KLHL13: variants seen among roughly 807,000 people sequenced by gnomAD.
KLHL13 encodes the protein kelch-like protein 13.
In KLHL13, 10 loss-of-function variants were observed where a neutral mutation model predicts 37.1. That is an observed-to-expected ratio of 0.27 (90% CI 0.17 to 0.46). The LOEUF is 0.46. KLHL13 is among the 20% of genes least tolerant of loss of function. The probability of loss-of-function intolerance (pLI) is 1.00; values close to 1 mark genes in which losing one functional copy is unlikely to be tolerated. For synonymous variants in KLHL13, 163 were observed against 181.2 expected (o/e 0.90, Z 0.81); for missense variants, 360 against 509.3 (o/e 0.71, Z 2.82).
At chrX:118,056,022 TTTTAC>T (rs1393190475) in intron 1 of KLHL13, among the ~76,000 whole-genome samples, 5 of 111,224 alleles carry the variant, frequency 4.5e-5, no homozygotes, top group African/African-American at 6.5e-5. Context: ...GTAAAACTAT[TTTTAC>T]TTTATTTTTT....
intron 1 of KLHL13, among the ~76,000 whole-genome samples, chrX:118,029,061 G>A (rs2054306731): frequency 9.0e-6 from 1 of 111,409 alleles, no homozygotes; most frequent in Middle Eastern, 4.7e-3. Flanking sequence ...TACTCTCCAC[G>A]TTTTCAGGCA....
rs1207845367 is a variant in KLHL13, at chrX:118,028,487, T to C, written c.-55-82912A>G. ...CAGATGATCCATCACCTCTAAAAGT[T>C]GGATAATGACCTGTTCAGGAGGAAA... On this transcript the variant is annotated intron_variant, in intron 1 of 6. Transcript: ENST00000371882. 5.6e-6 allele frequency: 6 copies of C among 1,074,427 alleles called. No individual in the cohort carries two copies. The East Asian group carries it at 1.7e-4, about 30-fold the overall frequency. The allele number at this position is 1,074,427 out of a possible 1,213,427, so 88.5% of individuals were successfully genotyped here. A position where few individuals can be genotyped will look rare whatever the true frequency, so the allele number is the denominator to read the frequency against.
intron 2 of KLHL13, among the ~76,000 whole-genome samples, chrX:117,926,426 C>T (rs747799321): frequency 1.9e-4 from 21 of 110,888 alleles, no homozygotes; most frequent in Non-Finnish European, 3.4e-4. Flanking sequence ...AGGATTCCAG[C>T]GAGTAATGAT....
chrX:118,075,508 T>A (rs2054920262), intron 1 of KLHL13, among the ~76,000 whole-genome samples: 1 of 111,198 alleles, frequency 9.0e-6, no homozygotes, highest in Non-Finnish European at 1.9e-5. Flanking sequence ...AGAGGAAGGA[T>A]TAATTGAAAG....
At chrX:118,051,790 C>T (rs2054616743) in intron 1 of KLHL13, among the ~76,000 whole-genome samples, 2 of 110,806 alleles carry the variant, frequency 1.8e-5, no homozygotes, top group African/African-American at 3.3e-5. Context: ...AGAAGGTGGA[C>T]ATTTTGTACG....
intron 1 of KLHL13, among the ~76,000 whole-genome samples, chrX:117,995,931 C>T (rs2053849472): frequency 9.0e-6 from 1 of 111,462 alleles, no homozygotes; most frequent in Admixed American, 9.5e-5. Context: ...GAGCTCTTTC[C>T]ACCTTTGGGT....
intron 1 of KLHL13, among the ~76,000 whole-genome samples, chrX:118,094,064 C>T (rs766199999): frequency 9.2e-6 from 1 of 108,518 alleles, no homozygotes; most frequent in Admixed American, 9.9e-5. Flanking sequence ...AGGCTTCAGA[C>T]GATCAAACTA....
chrX:118,031,472 T>TATATATATAGATATATATATTTAG (rs2054340403), intron 1 of KLHL13, among the ~76,000 whole-genome samples: 6 of 89,780 alleles, frequency 6.7e-5, no homozygotes, highest in African/African-American at 1.0e-4. Flanking sequence ...TATATTTAGA[T>TATATATATAGATATATATATTTAG]ATATATATAG....
At chrX:118,041,510 C>T (rs776812082) in intron 1 of KLHL13, among the ~76,000 whole-genome samples, 3 of 107,871 alleles carry the variant, frequency 2.8e-5, no homozygotes, top group African/African-American at 1.0e-4. Flanking sequence ...GCCTGGATGA[C>T]AGAGTGAGAC....
At chrX:118,053,875 A>C (rs1190138797) in intron 1 of KLHL13, among the ~76,000 whole-genome samples, 1 of 99,127 alleles carries the variant, frequency 1.0e-5, no homozygotes, top group African/African-American at 3.7e-5. Flanking sequence ...AGAGAGAGAG[A>C]GAGAGAGAGA....
intron 1 of KLHL13, among the ~76,000 whole-genome samples, chrX:117,986,130 G>A (rs1205336601): frequency 9.0e-6 from 1 of 111,441 alleles, no homozygotes; most frequent in Non-Finnish European, 1.9e-5. Flanking sequence ...AGGGAAGCAG[G>A]CATGTATTCT....
intron 5 of KLHL13, among the ~76,000 whole-genome samples, 198 bp downstream of exon 6, chrX:117,909,103 G>A (rs10465419): frequency 0.082 from 9,179 of 111,743 alleles, 884 homozygotes; most frequent in African/African-American, 0.28. Flanking sequence ...TATTTGTAAC[G>A]TACAATTTGT....
intron 2 of KLHL13, among the ~76,000 whole-genome samples, chrX:117,930,960 T>C (rs1291624496): frequency 8.9e-6 from 1 of 112,251 alleles, no homozygotes; most frequent in African/African-American, 3.2e-5. Context: ...AAGTTGTTTA[T>C]TTTATGATCA....
At chrX:117,995,145 CATTT>C (rs67590715) in intron 1 of KLHL13, among the ~76,000 whole-genome samples, 2,686 of 111,985 alleles carry the variant, frequency 0.024, 70 homozygotes, top group African/African-American at 0.08. Context: ...ATTTTTCATT[CATTT>C]GTGAACTGCC....
intron 1 of KLHL13, among the ~76,000 whole-genome samples, chrX:118,059,622 A>T (rs999222678): frequency 8.0e-5 from 9 of 111,803 alleles, no homozygotes; most frequent in African/African-American, 2.9e-4. Flanking sequence ...AGTACAAATA[A>T]TATAGCAGAC....
At chrX:117,938,945 T>C (rs1932900077) in intron 2 of KLHL13, among the ~76,000 whole-genome samples, 1 of 110,544 alleles carries the variant, frequency 9.0e-6, no homozygotes, top group Non-Finnish European at 1.9e-5. Flanking sequence ...TAGAGGGATT[T>C]ATTTTTTTTT....
At chrX:117,950,672 T>C (rs1001898266) in intron 1 of KLHL13, among the ~76,000 whole-genome samples, 6 of 111,610 alleles carry the variant, frequency 5.4e-5, no homozygotes, top group Non-Finnish European at 1.1e-4. Flanking sequence ...CAAAACAGGT[T>C]GGTTAATCAA....
Position 117,897,976 on chromosome X carries a change from G to A in KLHL13, c.*932C>T, listed in dbSNP as rs1929839903. ...TATGCAAGTTACCTCAACAGCAAAG[G>A]AGAAGGAGTAGAATACAGTTTTTGA... On this transcript the variant is annotated 3_prime_UTR_variant, in exon 7 of 7. Coordinates refer to ENST00000262820, the Ensembl canonical transcript of KLHL13. 3 of 111,875 alleles carry A rather than the reference G, an allele frequency of 2.7e-5. No individual in the cohort carries two copies. The South Asian group carries it at 1.1e-3, about 42-fold the overall frequency. 9.2% of individuals were successfully genotyped at this position (111,875 alleles called of 1,213,427 possible).
chrX:117,926,851 A>G (rs1293490956), intron 2 of KLHL13, among the ~76,000 whole-genome samples: 2 of 98,605 alleles, frequency 2.0e-5, no homozygotes, highest in African/African-American at 7.4e-5. Flanking sequence ...ACCTGTCAAC[A>G]GACAGAAAAA....
Sources: gnomAD v4.1 joint callset for allele counts (sites outside exome capture counted in the v4.1 genomes callset) on GRCh38, gnomAD v4.1.1 for gene constraint, MANE v1.5 for transcripts, NCBI Gene and HGNC (gene_info 2026-07-23, HGNC 2026-07-21) for gene names.